GABRB1: variants seen among roughly 807,000 people sequenced by gnomAD.
GABRB1 encodes the protein gamma-aminobutyric acid type A receptor subunit beta1.
GABRB1 carries 17 observed loss-of-function variants against 51.6 expected under a neutral mutation model. The observed-to-expected ratio is 0.33, with a 90% CI of 0.23 to 0.49. The LOEUF (loss-of-function observed/expected upper bound fraction) is 0.49. GABRB1 is among the 20% of genes least tolerant of loss of function. The pLI is 0.99. For missense variants in GABRB1, 410 were observed against 600.6 expected, an observed-to-expected ratio of 0.68 and a Z score of 3.32; for synonymous variants, 247 against 218.9, an observed-to-expected ratio of 1.13 and a Z score of -1.14.
At position 47,202,860 on chromosome 4, in the gene GABRB1, T is replaced by G. The variant is rs938783283; in HGVS notation, c.461+41391T>G. ...ACCCAAGAAACAGACAGTGGCTTCC[T>G]GTTCAGGTGTCACAGTCAGCCCCTA... On this transcript the variant is annotated intron_variant, in intron 4 of 8. Transcript: ENST00000295454. 5.3e-5 allele frequency among the ~76,000 whole-genome samples: 8 copies of G among 152,160 alleles called. 1 individual carries two copies. In the South Asian group the frequency reaches 8.3e-4, roughly 16 times the overall value.
intron 4 of GABRB1, among the ~76,000 whole-genome samples, chr4:47,203,575 C>T (rs191389094): frequency 4.6e-5 from 7 of 152,132 alleles, no homozygotes; most frequent in African/African-American, 1.7e-4. Flanking sequence ...ATAGAAATAC[C>T]TCTTTCTGCT....
chr4:47,143,123 G>A (rs937789661), intron 3 of GABRB1, among the ~76,000 whole-genome samples: 1 of 151,828 alleles, frequency 6.6e-6, no homozygotes, highest in South Asian at 2.1e-4. Flanking sequence ...TTTAGCAGCA[G>A]TATTCTGGTA....
In GABRB1 at chr4:47,073,769, C is replaced by A. The variant is rs185270616; in HGVS notation, c.240+41285C>A. On this transcript the variant is annotated intron_variant, in intron 3 of 8. Coordinates refer to ENST00000295454, the MANE Select transcript of GABRB1 (RefSeq NM_000812.4). Reference sequence around the variant, plus strand: ...TGGCACTCATGCACCACCTAGAGTGCCTTTGTAGTGACCTGGAGGCCCTAT... The same window carrying A: ...TGGCACTCATGCACCACCTAGAGTGACTTTGTAGTGACCTGGAGGCCCTAT... Among the ~76,000 whole-genome samples, 528 of 152,184 alleles carry A rather than the reference C, an allele frequency of 3.5e-3. 1 individual carries two copies. The highest frequency in any genetic ancestry group is 6.6e-3 in the South Asian group (32 of 4,814).
intron 3 of GABRB1, among the ~76,000 whole-genome samples, chr4:47,069,173 C>CT (rs1462448508): frequency 6.6e-6 from 1 of 152,142 alleles, no homozygotes; most frequent in East Asian, 1.9e-4. Flanking sequence ...CAATGTTTTC[C>CT]TCTTCTGTTA....
intron 4 of GABRB1, among the ~76,000 whole-genome samples, chr4:47,186,326 T>C (rs559652849): frequency 6.6e-6 from 1 of 151,762 alleles, no homozygotes; most frequent in Non-Finnish European, 1.5e-5. Flanking sequence ...GAGAACACTA[T>C]CATGCATATT....
At chr4:47,319,458 T>C (rs1724998009) in intron 4 of GABRB1, among the ~76,000 whole-genome samples, 1 of 152,178 alleles carries the variant, frequency 6.6e-6, no homozygotes, top group Admixed American at 6.5e-5. Flanking sequence ...CTTTATTTTA[T>C]TAATATGTTG....
intron 5 of GABRB1, among the ~76,000 whole-genome samples, chr4:47,378,403 C>T (rs557381468): frequency 2.7e-4 from 41 of 152,300 alleles, no homozygotes; most frequent in African/African-American, 9.1e-4. Context: ...CCGCAAGCAC[C>T]GCGCGCAGCC....
chr4:47,395,089 T>C (rs991613023), intron 5 of GABRB1, among the ~76,000 whole-genome samples: 4 of 152,200 alleles, frequency 2.6e-5, no homozygotes, highest in Non-Finnish European at 5.9e-5. Context: ...CCAGGCTACC[T>C]GATGAGCCTA....
At chr4:47,375,356 A>G (rs1270697211) in intron 5 of GABRB1, among the ~76,000 whole-genome samples, 1 of 152,248 alleles carries the variant, frequency 6.6e-6, no homozygotes, top group African/African-American at 2.4e-5. Context: ...ACAATCATGA[A>G]TAAAAATGAA....
chr4:47,243,467 T>C (rs1038790317), intron 4 of GABRB1, among the ~76,000 whole-genome samples: 16 of 152,198 alleles, frequency 1.1e-4, no homozygotes, highest in Non-Finnish European at 1.6e-4. Flanking sequence ...AATCTATAAA[T>C]TACCTTGGGC....
At chr4:47,159,827 C>G (rs1357258883) in intron 3 of GABRB1, among the ~76,000 whole-genome samples, 1 of 151,968 alleles carries the variant, frequency 6.6e-6, no homozygotes, top group Non-Finnish European at 1.5e-5. Flanking sequence ...TTCTTTTTCC[C>G]CACTGGTATA....
At chr4:47,399,804 C>T (rs568483834) in intron 5 of GABRB1, among the ~76,000 whole-genome samples, 1 of 152,288 alleles carries the variant, frequency 6.6e-6, no homozygotes, top group South Asian at 2.1e-4. Flanking sequence ...TCTTTTCTTT[C>T]CAGCATTGTG....
chr4:47,027,300 AG>A (rs1321301688), upstream of GABRB1, among the ~76,000 whole-genome samples: 1 of 151,718 alleles, frequency 6.6e-6, no homozygotes, highest in Non-Finnish European at 1.5e-5. Flanking sequence ...CATTCCAAAA[AG>A]AATAAACCCA....
At chr4:47,071,487 C>T (rs1727333928) in intron 3 of GABRB1, among the ~76,000 whole-genome samples, 1 of 152,140 alleles carries the variant, frequency 6.6e-6, no homozygotes, top group African/African-American at 2.4e-5. Context: ...CTGTTCCCAG[C>T]ATTCCCTTCA....
chr4:47,232,132 G>A lies in GABRB1; in HGVS notation c.461+70663G>A, dbSNP rs1377868479. Among the ~76,000 whole-genome samples, 6 of 152,076 alleles carry A rather than the reference G, an allele frequency of 3.9e-5. No homozygotes were observed. In the East Asian group the frequency reaches 5.8e-4, roughly 15 times the overall value. ...AAAATAGCATCAGGGTCAAGCACTT[G>A]CCTGGTGCTTTTAATAAGTTTCCAA... On this transcript the variant is annotated intron_variant, in intron 4 of 8. Transcript: ENST00000295454.
chr4:47,199,815 G>A (rs1719829381), intron 4 of GABRB1, among the ~76,000 whole-genome samples: 1 of 152,148 alleles, frequency 6.6e-6, no homozygotes, highest in Non-Finnish European at 1.5e-5. Flanking sequence ...TGATACAAAA[G>A]AGTCATCCAG....
chr4:47,291,444 C>T (rs760220610), intron 4 of GABRB1, among the ~76,000 whole-genome samples: 1 of 152,192 alleles, frequency 6.6e-6, no homozygotes, highest in African/African-American at 2.4e-5. Flanking sequence ...CCGACCCACA[C>T]AGAGTCCATA....
intron 8 of GABRB1, among the ~76,000 whole-genome samples, chr4:47,417,547 C>T (rs1027936798): frequency 1.4e-4 from 22 of 152,104 alleles, no homozygotes; most frequent in Non-Finnish European, 1.2e-4. Context: ...AAATACAGTA[C>T]ATTCTATGAG....
chr4:47,394,126 C>T (rs763656205), intron 5 of GABRB1, among the ~76,000 whole-genome samples: 1 of 152,166 alleles, frequency 6.6e-6, no homozygotes, highest in Non-Finnish European at 1.5e-5. Context: ...AGTAAGCACG[C>T]CAGCATCACT....
Sources: allele counts gnomAD v4.1 joint callset (sites outside exome capture counted in the v4.1 genomes callset), GRCh38; gene constraint gnomAD v4.1.1; transcripts MANE v1.5; gene names NCBI Gene and HGNC (gene_info 2026-07-23, HGNC 2026-07-21).